Variants in PTPRA observed in about 807,000 individuals in gnomAD.
The protein encoded by PTPRA is receptor-type tyrosine-protein phosphatase alpha.
A neutral mutation model predicts 104.8 loss-of-function variants in PTPRA; 25 were observed. The ratio of observed to expected loss-of-function variants is 0.24; its 90% CI spans 0.17 to 0.33. The LOEUF is 0.33. Among genes scored for constraint, PTPRA ranks in the 10% least tolerant of loss-of-function variants. The probability of loss-of-function intolerance (pLI) is 1.00; values close to 1 mark genes in which losing one functional copy is unlikely to be tolerated. For synonymous variants in PTPRA, 323 were observed against 368.9 expected (o/e 0.88, Z 1.43); for missense variants, 765 against 1,015.3 (o/e 0.75, Z 3.35).
intron 19 of PTPRA, among the ~76,000 whole-genome samples, chr20:3,027,418 T>C (rs977033521): frequency 9.2e-5 from 14 of 152,194 alleles, no homozygotes; most frequent in African/African-American, 3.1e-4. Flanking sequence ...GTATAATACC[T>C]GGAAGAAAAA....
intron 2 of PTPRA, among the ~76,000 whole-genome samples, chr20:2,933,684 A>G (rs976532036): frequency 6.7e-6 from 1 of 149,070 alleles, no homozygotes. Context: ...TGGTCTCAAA[A>G]CTCCTGACCT....
chr20:2,884,742 C>T (rs1355141748), intron 1 of PTPRA, among the ~76,000 whole-genome samples: 4 of 151,660 alleles, frequency 2.6e-5, no homozygotes, highest in Non-Finnish European at 5.9e-5. Context: ...GTGGACATAT[C>T]CTTTTGGGTA....
At chr20:2,881,674 C>G (rs2090058861) in intron 1 of PTPRA, among the ~76,000 whole-genome samples, 1 of 152,082 alleles carries the variant, frequency 6.6e-6, no homozygotes, top group Non-Finnish European at 1.5e-5. Context: ...AACCACCATG[C>G]CTGGCCAGTT....
chr20:2,866,059 T>C, the PTPRA span: 13 of 682,212 alleles, frequency 1.9e-5, no homozygotes, highest in Non-Finnish European at 3.3e-5. Flanking sequence ...ATCACAACTG[T>C]CTGTGCATGG....
intron 9 of PTPRA, among the ~76,000 whole-genome samples, chr20:2,989,106 T>C (rs559543403): frequency 9.2e-5 from 14 of 152,312 alleles, no homozygotes; most frequent in Non-Finnish European, 1.8e-4. Context: ...AATCCACCAG[T>C]TGGTGATCCT....
At chr20:2,910,405 T>TTTTTATA (rs2059654703) in intron 1 of PTPRA, among the ~76,000 whole-genome samples, 5 of 49,288 alleles carry the variant, frequency 1.0e-4, no homozygotes, top group South Asian at 8.1e-4. Context: ...TATAATATAT[T>TTTTTATA]TTGTATATTA....
intron 1 of PTPRA, among the ~76,000 whole-genome samples, chr20:2,902,591 G>C (rs2059279737): frequency 6.6e-6 from 1 of 152,216 alleles, no homozygotes; most frequent in South Asian, 2.1e-4. Context: ...GGTCATCCTA[G>C]AGGAGGCTTG....
chr20:2,895,377 C>T (rs969918158), intron 1 of PTPRA, among the ~76,000 whole-genome samples: 1 of 152,094 alleles, frequency 6.6e-6, no homozygotes, highest in South Asian at 2.1e-4. Context: ...AGCCACCACA[C>T]CCAGCCTACT....
At chr20:2,984,300 A>T (rs1428258884) in intron 6 of PTPRA, among the ~76,000 whole-genome samples, 2 of 152,132 alleles carry the variant, frequency 1.3e-5, no homozygotes, top group Non-Finnish European at 2.9e-5. Context: ...GTCCCCACGA[A>T]AGGACCCAGT....
intron 3 of PTPRA, among the ~76,000 whole-genome samples, chr20:2,955,217 G>C (rs1161535590): frequency 6.6e-6 from 1 of 152,088 alleles, no homozygotes; most frequent in Non-Finnish European, 1.5e-5. Flanking sequence ...CAAGTAGTTT[G>C]TTCCAAGTTG....
intron 3 of PTPRA, among the ~76,000 whole-genome samples, chr20:2,963,601 A>G (rs901988644): frequency 6.6e-6 from 1 of 152,152 alleles, no homozygotes; most frequent in Non-Finnish European, 1.5e-5. Flanking sequence ...CTCAAAAAAA[A>G]ATAAAAAAGG....
At chr20:2,975,758 G>A (rs957416203) in intron 6 of PTPRA, among the ~76,000 whole-genome samples, 3 of 152,180 alleles carry the variant, frequency 2.0e-5, no homozygotes, top group Non-Finnish European at 4.4e-5. Context: ...CTAGAGAGTA[G>A]GGGGACATGG....
intron 3 of PTPRA, among the ~76,000 whole-genome samples, chr20:2,949,446 T>C (rs1285022696): frequency 6.6e-6 from 1 of 152,030 alleles, no homozygotes; most frequent in African/African-American, 2.4e-5. Flanking sequence ...GTTATAATTT[T>C]AATTTCTTTT....
intron 2 of PTPRA, among the ~76,000 whole-genome samples, chr20:2,934,485 T>C (rs1040412248): frequency 1.3e-5 from 2 of 152,160 alleles, no homozygotes; most frequent in East Asian, 3.8e-4. Context: ...ATTATTGTAT[T>C]AATATAATCT....
At chr20:2,963,064 C>A (rs1289623879) in intron 3 of PTPRA, among the ~76,000 whole-genome samples, 1 of 152,126 alleles carries the variant, frequency 6.6e-6, no homozygotes, top group Non-Finnish European at 1.5e-5. Flanking sequence ...ATGAACAAAC[C>A]ACTATTACTG....
chr20:3,004,141 C>T (rs2063753377), intron 9 of PTPRA, among the ~76,000 whole-genome samples: 1 of 152,240 alleles, frequency 6.6e-6, no homozygotes, highest in Admixed American at 6.5e-5. Context: ...CCTCAGCCTC[C>T]TGAGTAGCTG....
At chr20:2,865,100 C>T in the PTPRA span, 3 of 1,614,038 alleles carry the variant, frequency 1.9e-6, no homozygotes, top group African/African-American at 1.3e-5. This position sits in a 1 kb window ranked among gnomAD's most constrained non-coding sequence, Gnocchi z 5.2. Flanking sequence ...TCCTGGTCTT[C>T]CCTCCTGGTC....
rs1207367296 is a variant in PTPRA, at chr20:3,038,410, T to TA, written c.*278dup. On this transcript the variant is annotated 3_prime_UTR_variant, in exon 24 of 24. Transcript: ENST00000399903. ...TTGGGCTGGATTGTGCTTTGGTTAA[T>TA]ACATCTTTCCCTAAAGAAGATAAAC... 1 of 349,612 alleles carries TA rather than the reference T, an allele frequency of 2.9e-6. No individual in the cohort carries two copies. The highest frequency in any genetic ancestry group is 2.2e-5 in the African/African-American group (1 of 46,156). 21.7% of individuals were successfully genotyped at this position (349,612 alleles called of 1,614,324 possible).
intron 3 of PTPRA, 46 bp downstream of exon 3, chr20:2,948,070 G>A: frequency 1.1e-6 from 1 of 926,598 alleles, no homozygotes; most frequent in South Asian, 1.4e-5. Flanking sequence ...AAGAATAGAG[G>A]AAGAAAGGAA....
Sources: gnomAD v4.1 joint callset for allele counts (sites outside exome capture counted in the v4.1 genomes callset) on GRCh38, gnomAD v4.1.1 for gene constraint, Gnocchi (gnomAD v3.1) non-coding constraint, MANE v1.5 for transcripts, NCBI Gene and HGNC (gene_info 2026-07-23, HGNC 2026-07-21) for gene names.